SHFL: variants seen among roughly 807,000 people sequenced by gnomAD.
The protein encoded by SHFL is shiftless antiviral inhibitor of ribosomal frameshifting protein.
SHFL carries 12 observed loss-of-function variants against 34.7 expected under a neutral mutation model. That is an observed-to-expected ratio of 0.35 (90% CI 0.22 to 0.56). The LOEUF is 0.56. Among genes scored for constraint, SHFL ranks in the 20% least tolerant of loss-of-function variants. The pLI is 0.88. For synonymous variants in SHFL, 148 were observed against 156.0 expected (o/e 0.95, Z 0.38); for missense variants, 278 against 411.1 (o/e 0.68, Z 2.80).
At chr19:10,090,121 A>G in intron 5 of SHFL, 74 bp downstream of exon 5, 1 of 1,472,938 alleles carries the variant, frequency 6.8e-7, no homozygotes, top group East Asian at 2.5e-5. Flanking sequence ...CAGTGACTGT[A>G]CCTCTGACCT....
At chr19:10,088,953 T>TATTATA (rs1555753044) in intron 3 of SHFL, 2 of 136,854 alleles carry the variant, frequency 1.5e-5, no homozygotes, top group Admixed American at 7.5e-5. Flanking sequence ...GTCTCAAAAA[T>TATTATA]ATAATAATAA....
At position 10,092,036 on chromosome 19, in the gene SHFL, CA is replaced by C. The variant is rs779973413; in HGVS notation, c.644-33del. ...CCTCCCCAGACTCTCATGGGACCTC[CA>C]GCCCCATGTCTGCAGCACCTCTCCC... On this transcript the variant is annotated intron_variant, in intron 7 of 7. Coordinates refer to ENST00000253110, the MANE Select transcript of SHFL (RefSeq NM_018381.4). 55 of 1,613,192 alleles carry C rather than the reference CA, an allele frequency of 3.4e-5. No individual in the cohort carries two copies. In the Middle Eastern group the frequency reaches 4.9e-4, roughly 14 times the overall value.
chr19:10,088,933 G>A (rs1455658691), intron 3 of SHFL: 2 of 149,294 alleles, frequency 1.3e-5, no homozygotes, highest in Non-Finnish European at 3.0e-5. Flanking sequence ...GGAGACAAGA[G>A]CGAAACTCCG....
intron 5 of SHFL, chr19:10,090,466 G>A (rs1053734630): frequency 2.6e-5 from 4 of 152,570 alleles, no homozygotes; most frequent in South Asian, 2.0e-4. Flanking sequence ...AGGGGGTCTC[G>A]CCCTGTCACC....
At chr19:10,087,623 C>G (rs1240449021) in intron 3 of SHFL, 2 of 376,964 alleles carry the variant, frequency 5.3e-6, no homozygotes, top group Non-Finnish European at 9.7e-6. Context: ...GGAGGAGGTA[C>G]CAAGTCTTAA....
chr19:10,091,159 G>T lies in SHFL; in HGVS notation c.385-91G>T. 8.9e-7 allele frequency: 1 copy of T among 1,120,664 alleles called. No individual in the cohort carries two copies. The highest frequency in any genetic ancestry group is 1.3e-6 in the Non-Finnish European group (1 of 766,286). The allele number at this position is 1,120,664 out of a possible 1,614,324, so 69.4% of individuals were successfully genotyped here. On this transcript the variant is annotated intron_variant, in intron 5 of 7. Transcript: ENST00000253110. This position sits in a 1 kb window ranked among gnomAD's most constrained non-coding sequence, Gnocchi z 8.2. ...TGGGTTGCTCAAGCTGAGGCCAGCC[G>T]CTGCAGCACACTGCTAGCCCTGACC...
chr19:10,090,286 A>G (rs2088357733), intron 5 of SHFL: 2 of 544,346 alleles, frequency 3.7e-6, no homozygotes, highest in African/African-American at 1.9e-5. Context: ...CTTGACCCAC[A>G]ATTGAACAGC....
chr19:10,087,014 G>C lies in SHFL; in HGVS notation c.107G>C (p.Gly36Ala). 1 of 1,613,264 alleles carries C rather than the reference G, an allele frequency of 6.2e-7. No individual in the cohort carries two copies. The highest frequency in any genetic ancestry group is 8.5e-7 in the Non-Finnish European group (1 of 1,179,582). ...GCGGGGGCTCTGATGAGGAAATTCG[G>C]CAGCGACCACACGGGAGTGGGGCGC... ...KKAGALMRKF[G>A]SDHTGVGRSI... Residue 36 changes from glycine (G) to alanine (A), a missense_variant, in exon 2 of 8, where the codon GGC becomes GCC. Gly to Ala is a moderately conservative substitution (Grantham distance 60). Coordinates refer to ENST00000253110, the MANE Select transcript of SHFL (RefSeq NM_018381.4).
chr19:10,087,128 GC>G, intron 2 of SHFL, 76 bp downstream of exon 2: 1 of 1,588,650 alleles, frequency 6.3e-7, no homozygotes, highest in Non-Finnish European at 8.6e-7. Flanking sequence ...CTAGGGAGAG[GC>G]GTTGAGATCA....
At position 10,090,067 on chromosome 19, in the gene SHFL, C is replaced by T. The variant is rs1367116415; in HGVS notation, c.384+20C>T. 11 of 1,591,414 alleles carry T rather than the reference C, an allele frequency of 6.9e-6. No homozygotes were observed. The highest frequency in any genetic ancestry group is 4.6e-5 in the East Asian group (2 of 43,708). On this transcript the variant is annotated intron_variant, in intron 5 of 7. Transcript: ENST00000253110. ...AAGGAGGTGATGACCTAAAACTTAACCTCGACTTTGACTGTCCCGAACTCC... is the reference window on the plus strand; with the variant it reads ...AAGGAGGTGATGACCTAAAACTTAATCTCGACTTTGACTGTCCCGAACTCC...
chr19:10,091,700 C>G lies in SHFL; in HGVS notation c.643+70C>G. ...TCTGTGCCTTTAAGTCCCCAAATCTCCACTCAGTCCACTTTGTCTCCCACA... is the reference window on the plus strand; with the variant it reads ...TCTGTGCCTTTAAGTCCCCAAATCTGCACTCAGTCCACTTTGTCTCCCACA... On this transcript the variant is annotated intron_variant, in intron 7 of 7. Transcript: ENST00000253110. This position sits in a 1 kb window ranked among gnomAD's most constrained non-coding sequence, Gnocchi z 8.2. 6.8e-7 allele frequency: 1 copy of G among 1,467,584 alleles called. No homozygotes were observed. Among genetic ancestry groups the G allele is most frequent in the Admixed American group, 2.4e-5 (1 of 41,456 alleles). The allele number at this position is 1,467,584 out of a possible 1,614,324, so 90.9% of individuals were successfully genotyped here.
In SHFL at chr19:10,086,810, G is replaced by A; in HGVS notation, c.22-119G>A. Reference sequence around the variant, plus strand: ...CCGTAAAGGGATGAAAGGCGGGGGGGGGGCGGCGGAGGCCAAAACCAAGGG... The same window carrying A: ...CCGTAAAGGGATGAAAGGCGGGGGGAGGGCGGCGGAGGCCAAAACCAAGGG... On this transcript the variant is annotated intron_variant, in intron 1 of 7. Transcript: ENST00000253110. This position sits in a 1 kb window ranked among gnomAD's most constrained non-coding sequence, Gnocchi z 5.2. 1.7e-6 allele frequency: 2 copies of A among 1,210,726 alleles called. No individual in the cohort carries two copies. Among genetic ancestry groups the A allele is most frequent in the Non-Finnish European group, 1.2e-6 (1 of 869,274 alleles). 75.0% of individuals were successfully genotyped at this position (1,210,726 alleles called of 1,614,324 possible). A position where few individuals can be genotyped will look rare whatever the true frequency, so the allele number is the denominator to read the frequency against.
intron 3 of SHFL, chr19:10,087,669 G>A (rs2088309592): frequency 2.9e-5 from 6 of 205,126 alleles, no homozygotes; most frequent in South Asian, 6.1e-5. Flanking sequence ...AGGGGAAAGG[G>A]AAAGAAAGGC....
At position 10,086,467 on chromosome 19, in the gene SHFL, TG is replaced by T; in HGVS notation, c.21+22del. 7.3e-7 allele frequency: 1 copy of T among 1,367,340 alleles called. No homozygotes were observed. The highest frequency in any genetic ancestry group is 9.5e-7 in the Non-Finnish European group (1 of 1,054,072). 84.7% of individuals were successfully genotyped at this position (1,367,340 alleles called of 1,614,324 possible). ...TGTGGAGGTAAGCGATGGCTACGGC[TG>T]GGCCGGGGTCAGCCGCGACAGACCC... On this transcript the variant is annotated intron_variant, in intron 1 of 7. Coordinates refer to ENST00000253110, the MANE Select transcript of SHFL (RefSeq NM_018381.4). The surrounding 1 kb of genome is among the most constrained non-coding windows in gnomAD (Gnocchi z 5.2).
Position 10,092,398 on chromosome 19 carries a change from G to A in SHFL, c.*96G>A. 1 of 1,521,066 alleles carries A rather than the reference G, an allele frequency of 6.6e-7. No individual in the cohort carries two copies. Among genetic ancestry groups the A allele is most frequent in the Non-Finnish European group, 8.8e-7 (1 of 1,137,854 alleles). The allele number at this position is 1,521,066 out of a possible 1,614,324, so 94.2% of individuals were successfully genotyped here. A position where few individuals can be genotyped will look rare whatever the true frequency, so the allele number is the denominator to read the frequency against. ...AAACCGAGATATGAATGACCTTGGGGAGCCATCTGAGGCCAAGATATTGAC... is the reference window on the plus strand; with the variant it reads ...AAACCGAGATATGAATGACCTTGGGAAGCCATCTGAGGCCAAGATATTGAC... On this transcript the variant is annotated 3_prime_UTR_variant, in exon 8 of 8. Coordinates refer to ENST00000253110, the MANE Select transcript of SHFL (RefSeq NM_018381.4).
In SHFL at chr19:10,093,049, TC is replaced by T; in HGVS notation, c.*749del. 10 of 491,916 alleles carry T rather than the reference TC, an allele frequency of 2.0e-5. No homozygotes were observed. In the South Asian group the frequency reaches 4.2e-4, roughly 21 times the overall value. The allele number at this position is 491,916 out of a possible 1,614,324, so 30.5% of individuals were successfully genotyped here. A position where few individuals can be genotyped will look rare whatever the true frequency, so the allele number is the denominator to read the frequency against. ...TGCAAACTAGGAGTCTACCGTTCATTCCTTTATCAAAGAAAAGTATCTACTT... is the reference window on the plus strand; with the variant it reads ...TGCAAACTAGGAGTCTACCGTTCATTCTTTATCAAAGAAAAGTATCTACTT... On this transcript the variant is annotated 3_prime_UTR_variant, in exon 8 of 8. Transcript: ENST00000253110.
Position 10,091,224 on chromosome 19 carries a change from T to C in SHFL, c.385-26T>C, listed in dbSNP as rs1412451339. On this transcript the variant is annotated intron_variant, in intron 5 of 7. Transcript: ENST00000253110. The surrounding 1 kb of genome is among the most constrained non-coding windows in gnomAD (Gnocchi z 8.2). ...CTCTGACAATCCTTGGTCCCCTCTCTGTACCTTCCTGCCCACCACCACCAG... is the reference window on the plus strand; with the variant it reads ...CTCTGACAATCCTTGGTCCCCTCTCCGTACCTTCCTGCCCACCACCACCAG... The C allele has an allele frequency of 6.2e-7, 1 of 1,603,752 alleles. No individual in the cohort carries two copies. Among genetic ancestry groups the C allele is most frequent in the Non-Finnish European group, 8.5e-7 (1 of 1,172,202 alleles).
rs1403356644 is a variant in SHFL, at chr19:10,087,044, T to C, written c.137T>C (p.Ile46Thr). Reference protein sequence around the residue: ...GSDHTGVGRSIVYGVKQKDGQ... With the variant: ...GSDHTGVGRSTVYGVKQKDGQ... ...GACCACACGGGAGTGGGGCGCTCCA[T>C]CGTGTACGGTGAGGCTGCAGGGGTC... The change falls in exon 2 of 8, where the codon ATC (isoleucine) becomes ACC (threonine). Residue 46 changes from isoleucine (I) to threonine (T), a missense_variant. Around this residue, in one of 2 missense-constraint regions of SHFL, gnomAD observed 243 missense variants for 386.2 expected, o/e 0.63. Coordinates refer to ENST00000253110, the MANE Select transcript of SHFL (RefSeq NM_018381.4). The C allele has an allele frequency of 6.2e-7, 1 of 1,611,570 alleles. No individual in the cohort carries two copies.
Position 10,086,647 on chromosome 19 carries a change from A to G in SHFL, c.21+199A>G. On this transcript the variant is annotated intron_variant, in intron 1 of 7. Transcript: ENST00000253110. This position sits in a 1 kb window ranked among gnomAD's most constrained non-coding sequence, Gnocchi z 5.2. ...AGAGCGAAATGAGGCCTCCCCGAGG[A>G]AAAGCGGGGGCTGCAGGGTCAAAGG... The G allele has an allele frequency of 3.5e-6, 2 of 570,458 alleles. No homozygotes were observed. The highest frequency in any genetic ancestry group is 6.4e-5 in the East Asian group (2 of 31,414). 35.3% of individuals were successfully genotyped at this position (570,458 alleles called of 1,614,324 possible).
Sources: allele counts gnomAD v4.1 joint callset, GRCh38; gene constraint gnomAD v4.1.1; regional missense constraint gnomAD v4.1.1; non-coding constraint Gnocchi (gnomAD v3.1); transcripts MANE v1.5; gene names NCBI Gene and HGNC (gene_info 2026-07-23, HGNC 2026-07-21).